ARHGEF4: variants seen among roughly 807,000 people sequenced by gnomAD.
ARHGEF4 encodes APC-stimulated guanine nucleotide exchange factor 1.
A neutral mutation model predicts 162.0 loss-of-function variants in ARHGEF4; 119 were observed. The ratio of observed to expected loss-of-function variants is 0.73; its 90% CI spans 0.63 to 0.86. ARHGEF4 has a LOEUF of 0.86. Among genes scored for constraint, ARHGEF4 ranks in the 40% least tolerant of loss-of-function variants. The pLI is 0.00. For synonymous variants in ARHGEF4, 1,014 were observed against 979.9 expected (o/e 1.03, Z -0.65); for missense variants, 2,488 against 2,456.0 (o/e 1.01, Z -0.28).
Position 131,047,128 on chromosome 2 carries a change from G to A in ARHGEF4, c.*939G>A, listed in dbSNP as rs1267973500. The A allele has an allele frequency of 6.6e-6, 1 of 152,448 alleles. No homozygotes were observed. The highest frequency in any genetic ancestry group is 2.1e-4 in the South Asian group (1 of 4,834). 9.4% of individuals were successfully genotyped at this position (152,448 alleles called of 1,614,324 possible). A position where few individuals can be genotyped will look rare whatever the true frequency, so the allele number is the denominator to read the frequency against. ...GTCCTGCCAAGGGGCGCCAGGAGCA[G>A]AGCCAGGGCCTGGCGAGCTGGCGTG... On this transcript the variant is annotated 3_prime_UTR_variant, in exon 14 of 14. Transcript: ENST00000409359.
chr2:130,869,311 A>G (rs1682517658), intron 1 of ARHGEF4, among the ~76,000 whole-genome samples: 1 of 152,146 alleles, frequency 6.6e-6, no homozygotes, highest in Admixed American at 6.5e-5. Context: ...GAGGATAGGA[A>G]AGAACACTCA....
chr2:130,919,003 C>G (rs1281339693), intron 2 of ARHGEF4, among the ~76,000 whole-genome samples: 1 of 152,210 alleles, frequency 6.6e-6, no homozygotes, highest in Non-Finnish European at 1.5e-5. Context: ...TGTTCTCACA[C>G]AGGGCTTATG....
At chr2:130,933,478 C>T (rs958010308) in intron 3 of ARHGEF4, among the ~76,000 whole-genome samples, 4 of 152,116 alleles carry the variant, frequency 2.6e-5, no homozygotes, top group African/African-American at 9.7e-5. Context: ...CTTGGGATTT[C>T]CATAGGATTG....
At position 130,931,221 on chromosome 2, in the gene ARHGEF4, G is replaced by A. The variant is rs1682613016; in HGVS notation, c.3822G>A (p.Arg1274=). The change falls in exon 3 of 14, where the codon AGG becomes AGA. Residue 1274 remains arginine, a synonymous_variant. Transcript: ENST00000409359. ...KLQKQAHVER[R]LHIGAVHKDG... ...AGAAGCAGGCCCACGTCGAAAGGAG[G>A]CTGCACATAGGGGCAGTGCACAAAG... 1 of 1,613,202 alleles carries A rather than the reference G, an allele frequency of 6.2e-7. No homozygotes were observed. Among genetic ancestry groups the A allele is most frequent in the Admixed American group, 1.7e-5 (1 of 59,944 alleles).
intron 4 of ARHGEF4, among the ~76,000 whole-genome samples, chr2:130,965,561 A>T (rs1043879697): frequency 2.6e-5 from 4 of 152,170 alleles, no homozygotes; most frequent in Admixed American, 1.3e-4. Context: ...GGGAACCCCA[A>T]GCTAGATCAT....
chr2:130,851,445 G>A (rs1266856500), intron 1 of ARHGEF4, among the ~76,000 whole-genome samples: 2 of 152,252 alleles, frequency 1.3e-5, no homozygotes, highest in African/African-American at 4.8e-5. Flanking sequence ...GTGAGAATGT[G>A]CTCTCAGCCA....
intron 5 of ARHGEF4, 70 bp from the exon 6 acceptor site, chr2:131,038,783 T>G (rs1573694383): frequency 6.7e-7 from 1 of 1,496,582 alleles, no homozygotes. Flanking sequence ...GCTGAGGGAG[T>G]GGAGACAGAG....
Position 130,914,846 on chromosome 2 carries a change from A to T in ARHGEF4, c.900A>T (p.Thr300=). The change falls in exon 2 of 14, where the codon ACA becomes ACT. Residue 300 remains threonine, a synonymous_variant. Transcript: ENST00000409359. ...SDVPCQPPLR[T]SCLLRTNRHH... is the part of the protein sequence containing the mutation. ...TCCCCTGCCAGCCTCCTTTGAGGACATCTTGCCTCCTACGCACCAACCGTC... is the reference window on the plus strand; with the variant it reads ...TCCCCTGCCAGCCTCCTTTGAGGACTTCTTGCCTCCTACGCACCAACCGTC... 1 of 1,467,690 alleles carries T rather than the reference A, an allele frequency of 6.8e-7. No individual in the cohort carries two copies. Among genetic ancestry groups the T allele is most frequent in the African/African-American group, 1.4e-5 (1 of 70,476 alleles). The allele number at this position is 1,467,690 out of a possible 1,614,324, so 90.9% of individuals were successfully genotyped here.
At chr2:130,941,135 G>A (rs72994170) in intron 3 of ARHGEF4, among the ~76,000 whole-genome samples, 6,410 of 151,992 alleles carry the variant, frequency 0.042, 446 homozygotes, top group African/African-American at 0.14. Flanking sequence ...TTTGTCAAAC[G>A]GATATTCAGT....
intron 3 of ARHGEF4, among the ~76,000 whole-genome samples, chr2:130,943,084 C>T (rs1173450377): frequency 1.3e-5 from 2 of 152,096 alleles, no homozygotes; most frequent in African/African-American, 4.8e-5. Flanking sequence ...TGAATCATTG[C>T]AAATTTTCCA....
intron 4 of ARHGEF4, among the ~76,000 whole-genome samples, chr2:130,969,574 G>A (rs893714345): frequency 1.3e-5 from 2 of 152,036 alleles, no homozygotes; most frequent in Non-Finnish European, 2.9e-5. Flanking sequence ...ACTCCAGCCT[G>A]GGTGACAGAG....
Position 130,931,032 on chromosome 2 carries a change from C to A in ARHGEF4, c.3633C>A (p.Ala1211=). 6.2e-7 allele frequency: 1 copy of A among 1,614,114 alleles called. No homozygotes were observed. ...HSQKAFHMEP[A]QKPCFTTDMV... ...AGAAGGCGTTCCACATGGAGCCTGC[C>A]CAGAAGCCCTGCTTCACCACTGACA... The change falls in exon 3 of 14, where the codon GCC becomes GCA. Residue 1211 remains alanine (A), a synonymous_variant. Coordinates refer to ENST00000409359, the MANE Select transcript of ARHGEF4 (RefSeq NM_001367493.1).
intron 1 of ARHGEF4, among the ~76,000 whole-genome samples, chr2:130,907,208 C>CTTTTT (rs70994720): frequency 4.6e-5 from 4 of 87,254 alleles, no homozygotes; most frequent in African/African-American, 7.4e-5. Flanking sequence ...TAGTTTGTCC[C>CTTTTT]TTTTTTTTTT....
At chr2:130,985,981 TTG>T (rs1377801379) in intron 4 of ARHGEF4, among the ~76,000 whole-genome samples, 5 of 151,632 alleles carry the variant, frequency 3.3e-5, no homozygotes, top group African/African-American at 4.9e-5. Flanking sequence ...AATGCATATG[TTG>T]TGTGTGGTAT....
intron 1 of ARHGEF4, among the ~76,000 whole-genome samples, chr2:130,894,659 CT>C (rs143640301): frequency 3.3e-5 from 5 of 150,042 alleles, no homozygotes; most frequent in South Asian, 2.1e-4. Context: ...AAAAAAGCAA[CT>C]TTTTTTTTTG....
At chr2:130,867,394 C>T (rs935207081) in intron 1 of ARHGEF4, among the ~76,000 whole-genome samples, 5 of 151,806 alleles carry the variant, frequency 3.3e-5, no homozygotes, top group African/African-American at 9.7e-5. Flanking sequence ...CGTGCCACTG[C>T]GCCTGGCTAA....
At chr2:130,941,771 G>C (rs1683316044) in intron 3 of ARHGEF4, among the ~76,000 whole-genome samples, 1 of 152,152 alleles carries the variant, frequency 6.6e-6, no homozygotes, top group South Asian at 2.1e-4. Context: ...ACATTCCATA[G>C]GCTAAGGAGG....
chr2:130,917,332 G>A lies in ARHGEF4; in HGVS notation c.3386G>A (p.Ser1129Asn). The change falls in exon 2 of 14, where the codon AGT (serine) becomes AAT (asparagine). Residue 1129 changes from serine to asparagine, a missense_variant. Ser to Asn is a conservative substitution (Grantham distance 46). Around this residue, in one of 6 missense-constraint regions of ARHGEF4, gnomAD observed 1,642 missense variants for 1,481.5 expected, o/e 1.11. Transcript: ENST00000409359. The part of the protein sequence containing the change: ...SLGSYSYVDS[S>N]SGDPERPKIP... ...GGAAGCTACAGCTACGTGGACAGCA[G>A]TTCAGGGGACCCTGAAAGACCCAAG... The A allele has an allele frequency of 6.4e-7, 1 of 1,550,618 alleles. No individual in the cohort carries two copies.
At chr2:131,041,701 G>A in intron 9 of ARHGEF4, 114 bp from the exon 10 acceptor site, 2 of 1,423,370 alleles carry the variant, frequency 1.4e-6, no homozygotes, top group South Asian at 1.3e-5. Context: ...GTGAGGATGT[G>A]GTCAAAGGGC....
Sources: gnomAD v4.1 joint callset for allele counts (sites outside exome capture counted in the v4.1 genomes callset) on GRCh38, gnomAD v4.1.1 for gene constraint, gnomAD v4.1.1 regional missense constraint, MANE v1.5 for transcripts, NCBI Gene and HGNC (gene_info 2026-07-23, HGNC 2026-07-21) for gene names.